The following PLAGL1 variants were observed in gnomAD, a reference collection of about 807,000 sequenced individuals.
The protein encoded by PLAGL1 is PLAG1 like zinc finger 1.
Under a neutral mutation model 4.6 loss-of-function variants are expected in PLAGL1, and 1 was observed. That is an observed-to-expected ratio of 0.22 (90% CI 0.08 to 1.03). The LOEUF is 1.03. PLAGL1 is among the 50% of genes least tolerant of loss of function. The probability of loss-of-function intolerance (pLI) is 0.58; values close to 1 mark genes in which losing one functional copy is unlikely to be tolerated. For synonymous variants in PLAGL1, 240 were observed against 237.8 expected (o/e 1.01, Z -0.08); for missense variants, 464 against 570.4 (o/e 0.81, Z 1.90).
At position 143,997,768 on chromosome 6, in the gene PLAGL1, G is replaced by A. The variant is rs1189640837; in HGVS notation, c.-584+10322C>T. ...TCAGAAGAGTGTGATCCATAGGGGAGGTGTTGACCAGGAGGTAAATGAGAG... is the reference window on the plus strand; with the variant it reads ...TCAGAAGAGTGTGATCCATAGGGGAAGTGTTGACCAGGAGGTAAATGAGAG... On this transcript the variant is annotated intron_variant, in intron 1 of 7. Transcript: ENST00000674357. The surrounding 1 kb of genome is among the most constrained non-coding windows in gnomAD (Gnocchi z 4.6). Among the ~76,000 whole-genome samples, 1 of 151,964 alleles carries A rather than the reference G, an allele frequency of 6.6e-6. No individual in the cohort carries two copies. Among genetic ancestry groups the A allele is most frequent in the African/African-American group, 2.4e-5 (1 of 41,268 alleles).
At chr6:144,042,313 C>T (rs141270301) in intron 1 of PLAGL1, among the ~76,000 whole-genome samples, 16,344 of 152,136 alleles carry the variant, frequency 0.11, 1,060 homozygotes, top group South Asian at 0.15. Context: ...TTAGGTCTAA[C>T]ATTTAAGTCT....
In PLAGL1 at chr6:144,004,987, T is replaced by C. The variant is rs1227319967; in HGVS notation, c.-584+3103A>G. On this transcript the variant is annotated intron_variant, in intron 1 of 7. Coordinates refer to ENST00000674357, the MANE Select transcript of PLAGL1 (RefSeq NM_001317162.2). This position sits in a 1 kb window ranked among gnomAD's most constrained non-coding sequence, Gnocchi z 4.2. ...ATATATTTAATTTTTATATAAACTC[T>C]ACAGAGAGATTATATATAATCTATA... is the stretch of plus-strand genomic sequence containing the variant. 1.3e-5 allele frequency: 2 copies of C among 149,158 alleles called. No individual in the cohort carries two copies. The highest frequency in any genetic ancestry group is 3.0e-5 in the Non-Finnish European group (2 of 67,414). 9.2% of individuals were successfully genotyped at this position (149,158 alleles called of 1,614,324 possible). A position where few individuals can be genotyped will look rare whatever the true frequency, so the allele number is the denominator to read the frequency against.
chr6:144,028,604 A>G (rs572734747), intron 1 of PLAGL1, among the ~76,000 whole-genome samples: 1 of 152,372 alleles, frequency 6.6e-6, no homozygotes, highest in South Asian at 2.1e-4. Context: ...AGTGAAATAC[A>G]TAAAAGAGTA....
At chr6:144,054,681 T>G (rs1798818671) in intron 1 of PLAGL1, among the ~76,000 whole-genome samples, 2 of 150,208 alleles carry the variant, frequency 1.3e-5, no homozygotes, top group African/African-American at 5.0e-5. Flanking sequence ...GGGTTGATAG[T>G]GCAGCAAACC....
rs1341956571 is a variant in PLAGL1, at chr6:144,053,974, G to A, written c.-151+10494C>T. On this transcript the variant is annotated intron_variant, in intron 1 of 3. Coordinates refer to the PLAGL1 transcript ENST00000437412. The surrounding 1 kb of genome is among the most constrained non-coding windows in gnomAD (Gnocchi z 4.0). ...ACACCATCAACTTCAAAATCCATCA[G>A]GAAAGGGATATTCATTTCTCTATAT... 1.3e-5 allele frequency among the ~76,000 whole-genome samples: 2 copies of A among 152,132 alleles called. No individual in the cohort carries two copies. The highest frequency in any genetic ancestry group is 2.9e-5 in the Non-Finnish European group (2 of 68,024).
At chr6:144,019,676 C>T (rs1795828455) in intron 1 of PLAGL1, among the ~76,000 whole-genome samples, 2 of 150,914 alleles carry the variant, frequency 1.3e-5, no homozygotes, top group Admixed American at 6.6e-5. Context: ...ATCGGTTCAG[C>T]AAAATAAGTA....
At chr6:144,062,085 C>T (rs1212530623) in intron 1 of PLAGL1, among the ~76,000 whole-genome samples, 1 of 152,046 alleles carries the variant, frequency 6.6e-6, no homozygotes, top group Non-Finnish European at 1.5e-5. Flanking sequence ...ACTTAAAAAA[C>T]AGACATCATG....
chr6:143,993,926 C>A (rs1791093780), intron 1 of PLAGL1, among the ~76,000 whole-genome samples: 1 of 152,058 alleles, frequency 6.6e-6, no homozygotes, highest in African/African-American at 2.4e-5. Context: ...AGACTATCAG[C>A]TGAAGTCTTA....
chr6:143,951,438 G>A (rs770731478), intron 6 of PLAGL1, among the ~76,000 whole-genome samples: 1 of 152,218 alleles, frequency 6.6e-6, no homozygotes, highest in Non-Finnish European at 1.5e-5. Context: ...GGACACAAGA[G>A]GTGGCAAGTA....
At position 143,942,185 on chromosome 6, in the gene PLAGL1, G is replaced by C; in HGVS notation, c.631C>G (p.Leu211Val). ...CCGGTCTGCAAGCTCTCTTTCATCAGCTCCTGTGAGTGGGTCTTCTTGGTA... is the reference window on the plus strand; with the variant it reads ...CCGGTCTGCAAGCTCTCTTTCATCACCTCCTGTGAGTGGGTCTTCTTGGTA... ...RHTKKTHSQE[L>V]MKESLQTGDL... Residue 211 changes from leucine (L) to valine (V), a missense_variant, in exon 8 of 8, where the codon CTG (leucine) becomes GTG (valine). Coordinates refer to ENST00000674357, the MANE Select transcript of PLAGL1 (RefSeq NM_001317162.2). The surrounding 1 kb of genome is among the most constrained non-coding windows in gnomAD (Gnocchi z 7.6). 6.2e-7 allele frequency: 1 copy of C among 1,614,186 alleles called. No homozygotes were observed. The highest frequency in any genetic ancestry group is 8.5e-7 in the Non-Finnish European group (1 of 1,180,020).
intron 1 of PLAGL1, among the ~76,000 whole-genome samples, chr6:144,041,915 C>T (rs1203257810): frequency 1.3e-5 from 2 of 152,166 alleles, no homozygotes; most frequent in South Asian, 4.1e-4. Flanking sequence ...TTTTGATTTG[C>T]ATTTCTCTGA....
chr6:143,958,722 C>A lies in PLAGL1; in HGVS notation c.-325+1747G>T, dbSNP rs1328860047. Among the ~76,000 whole-genome samples, 1 of 151,962 alleles carries A rather than the reference C, an allele frequency of 6.6e-6. No homozygotes were observed. The highest frequency in any genetic ancestry group is 2.1e-4 in the South Asian group (1 of 4,828). ...AGATTATCCTGATTCTTGATTTTTT[C>A]TTTTTAAACTGATTAACATTTCATC... On this transcript the variant is annotated intron_variant, in intron 6 of 7. Transcript: ENST00000674357. The surrounding 1 kb of genome is among the most constrained non-coding windows in gnomAD (Gnocchi z 5.1).
chr6:144,036,835 T>C lies in PLAGL1; in HGVS notation c.-151+27633A>G. On this transcript the variant is annotated intron_variant, in intron 1 of 3. Coordinates refer to the PLAGL1 transcript ENST00000437412. This position sits in a 1 kb window ranked among gnomAD's most constrained non-coding sequence, Gnocchi z 5.1. ...ATTTGACTAAACAGGTTTGAAATAC[T>C]CTGGCATAAAATGAAGGCCATCCCC... 3.2e-6 allele frequency: 1 copy of C among 310,960 alleles called. No individual in the cohort carries two copies. Among genetic ancestry groups the C allele is most frequent in the South Asian group, 3.1e-5 (1 of 32,740 alleles). The allele number at this position is 310,960 out of a possible 1,614,324, so 19.3% of individuals were successfully genotyped here. A position where few individuals can be genotyped will look rare whatever the true frequency, so the allele number is the denominator to read the frequency against.
rs1325877153 is a variant in PLAGL1 at position 144,056,217 on chromosome 6, G to C, written c.-151+8251C>G. On this transcript the variant is annotated intron_variant, in intron 1 of 3. Transcript: ENST00000437412. This position sits in a 1 kb window ranked among gnomAD's most constrained non-coding sequence, Gnocchi z 4.7. ...TGTTTTATGTTCACAGCAAAATTGA[G>C]GAGGAAAGAGACATCTTACATGTCC... Among the ~76,000 whole-genome samples the C allele has an allele frequency of 6.6e-6, 1 of 151,798 alleles. No individual in the cohort carries two copies. The highest frequency in any genetic ancestry group is 1.5e-5 in the Non-Finnish European group (1 of 68,008).
At chr6:144,042,357 G>A (rs2128718076) in intron 1 of PLAGL1, among the ~76,000 whole-genome samples, 1 of 152,286 alleles carries the variant, frequency 6.6e-6, no homozygotes, top group East Asian at 1.9e-4. Flanking sequence ...TGCATAAGGT[G>A]AAAGGAAGGG....
rs1312647795 is a variant in PLAGL1, at chr6:143,990,786, C to G, written c.-583-5612G>C. Among the ~76,000 whole-genome samples the G allele has an allele frequency of 2.0e-5, 3 of 152,222 alleles. No homozygotes were observed. The highest frequency in any genetic ancestry group is 7.2e-5 in the African/African-American group (3 of 41,456). On this transcript the variant is annotated intron_variant, in intron 1 of 7. Coordinates refer to ENST00000674357, the MANE Select transcript of PLAGL1 (RefSeq NM_001317162.2). This position sits in a 1 kb window ranked among gnomAD's most constrained non-coding sequence, Gnocchi z 5.4. ...AAGACTTCATCTTCCCGGGACCCAA[C>G]CCCTCTTTCCTCCCTTGTGTCATGC...
rs1019172256 is a variant in PLAGL1, at chr6:143,966,677, T to C, written c.-471-479A>G. The stretch of plus-strand genomic sequence containing the variant: ...ACCTTGGTAAATGCCACATCATGGA[T>C]CAATTAAGTTATTCCCCAAATAAAG... On this transcript the variant is annotated intron_variant, in intron 3 of 7. Transcript: ENST00000674357. This position sits in a 1 kb window ranked among gnomAD's most constrained non-coding sequence, Gnocchi z 6.0. 6.6e-6 allele frequency: 1 copy of C among 152,202 alleles called. No homozygotes were observed. Among genetic ancestry groups the C allele is most frequent in the Admixed American group, 6.5e-5 (1 of 15,276 alleles). The allele number at this position is 152,202 out of a possible 1,614,324, so 9.4% of individuals were successfully genotyped here. A position where few individuals can be genotyped will look rare whatever the true frequency, so the allele number is the denominator to read the frequency against.
rs934602262 is a variant in PLAGL1, at chr6:144,027,447, A to G, written c.-151+37021T>C. Among the ~76,000 whole-genome samples, 1 of 152,184 alleles carries G rather than the reference A, an allele frequency of 6.6e-6. No homozygotes were observed. Among genetic ancestry groups the G allele is most frequent in the African/African-American group, 2.4e-5 (1 of 41,452 alleles). ...GAGAAAACAGGACAAACTAGTAGGA[A>G]GAAATAGAGAAGCAGTTAATAGGAG... is the stretch of plus-strand genomic sequence containing the variant. On this transcript the variant is annotated intron_variant, in intron 1 of 3. Transcript: ENST00000437412. This position sits in a 1 kb window ranked among gnomAD's most constrained non-coding sequence, Gnocchi z 5.8.
chr6:144,026,525 C>T (rs1435863378), intron 1 of PLAGL1, among the ~76,000 whole-genome samples: 1 of 152,108 alleles, frequency 6.6e-6, no homozygotes, highest in Non-Finnish European at 1.5e-5. Flanking sequence ...TCATCCCTGG[C>T]TATGAAATTT....
Sources: allele counts gnomAD v4.1 joint callset (sites outside exome capture counted in the v4.1 genomes callset), GRCh38; gene constraint gnomAD v4.1.1; non-coding constraint Gnocchi (gnomAD v3.1); transcripts MANE v1.5; gene names NCBI Gene and HGNC (gene_info 2026-07-23, HGNC 2026-07-21).